The following ERCC1 variants were observed in gnomAD, a reference collection of about 807,000 sequenced individuals.
ERCC1 encodes the protein ERCC excision repair 1, endonuclease non-catalytic subunit.
ERCC1 carries 36 observed loss-of-function variants against 37.6 expected under a neutral mutation model. The observed-to-expected ratio is 0.96, with a 90% CI of 0.73 to 1.26. The LOEUF (loss-of-function observed/expected upper bound fraction) is 1.26, where lower values mean the gene tolerates loss of function less well. Ranked by LOEUF, ERCC1 falls within the 50% of genes most tolerant of loss-of-function variation. The pLI, the probability that ERCC1 is intolerant of heterozygous loss-of-function variation, is 0.00. For synonymous variants in ERCC1, 156 were observed against 162.1 expected (o/e 0.96, Z 0.28); for missense variants, 349 against 376.5 (o/e 0.93, Z 0.60).
intron 6 of ERCC1, among the ~76,000 whole-genome samples, chr19:45,416,080 A>G (rs1028115547): frequency 6.6e-6 from 1 of 152,118 alleles, no homozygotes; most frequent in African/African-American, 2.4e-5. Flanking sequence ...GGCTTCAGTA[A>G]CCTGTGATAG....
At chr19:45,416,749 G>T in intron 6 of ERCC1, 72 bp downstream of exon 6, 2 of 1,142,084 alleles carry the variant, frequency 1.8e-6, no homozygotes, top group East Asian at 2.4e-5. Context: ...GAAGGGCTGG[G>T]CAGGGTGGGA....
chr19:45,412,308 G>A (rs1211779915), intron 9 of ERCC1, among the ~76,000 whole-genome samples: 3 of 151,556 alleles, frequency 2.0e-5, no homozygotes, highest in Admixed American at 2.0e-4. Flanking sequence ...ACAAGCATGC[G>A]CCACCACACC....
chr19:45,445,672 C>T (rs1281060242), intron 1 of ERCC1, among the ~76,000 whole-genome samples: 1 of 152,008 alleles, frequency 6.6e-6, no homozygotes, highest in Non-Finnish European at 1.5e-5. Flanking sequence ...AAGGTGAAGA[C>T]ATGTCTGGTG....
intron 1 of ERCC1, among the ~76,000 whole-genome samples, chr19:45,440,414 C>G (rs145800538): frequency 2.9e-4 from 44 of 152,250 alleles, no homozygotes; most frequent in African/African-American, 1.0e-3. Context: ...GCGAGAGGAT[C>G]ACAGGGAGTC....
chr19:45,418,668 CAA>C (rs563262726), intron 5 of ERCC1, among the ~76,000 whole-genome samples: 43 of 151,928 alleles, frequency 2.8e-4, no homozygotes, highest in African/African-American at 1.0e-3. Context: ...ACTAAAAATA[CAA>C]AAATCAGCCG....
chr19:45,409,035 C>T lies in ERCC1; in HGVS notation c.*640G>A, dbSNP rs1219181363. On this transcript the variant is annotated 3_prime_UTR_variant, in exon 10 of 10. Coordinates refer to ENST00000300853, the MANE Select transcript of ERCC1 (RefSeq NM_001983.4). ...GAGCCAGTGGAGCCGGAGATGAAGC[C>T]TCTGGAGTCCCCAGGGGGGACCATG... The T allele has an allele frequency of 6.2e-7, 1 of 1,614,072 alleles. No individual in the cohort carries two copies. The highest frequency in any genetic ancestry group is 1.7e-5 in the Admixed American group (1 of 59,996).
At chr19:45,411,846 T>C (rs1973757486) in intron 9 of ERCC1, among the ~76,000 whole-genome samples, 1 of 139,916 alleles carries the variant, frequency 7.1e-6, no homozygotes, top group South Asian at 2.3e-4. Context: ...CTCATTATAG[T>C]TTATTTTTGG....
At chr19:45,423,516 C>T (rs779238551) in intron 1 of ERCC1, 135 bp from the exon 2 acceptor site, 3 of 1,471,716 alleles carry the variant, frequency 2.0e-6, no homozygotes, top group Non-Finnish European at 2.7e-6. Context: ...ACACCCAGCG[C>T]TAGAGGCTCT....
intron 2 of ERCC1, 87 bp from the exon 3 acceptor site, chr19:45,421,480 T>A (rs1974424847): frequency 2.0e-6 from 2 of 982,064 alleles, no homozygotes; most frequent in Non-Finnish European, 3.0e-6. Flanking sequence ...CCCTTTCTTT[T>A]TCTTTTTTTG....
rs750132739 is a variant in ERCC1 at position 45,419,124 on chromosome 19, G to A, written c.499C>T (p.Arg167Trp). The A allele has an allele frequency of 7.6e-6, 12 of 1,588,408 alleles. No homozygotes were observed. The highest frequency in any genetic ancestry group is 2.3e-5 in the South Asian group (2 of 87,314). Residue 167 changes from arginine to tryptophan, a missense_variant, in exon 5 of 10, where the codon CGG becomes TGG. Physicochemically the swap from Arg to Trp is moderately radical, Grantham distance 101. Transcript: ENST00000300853. Reference sequence around the variant, plus strand: ...ACATCCACCTGGACAAGCAGGACCCGCAAGGCGAAGTTCTTCCCCAGGCTC... The same window carrying A: ...ACATCCACCTGGACAAGCAGGACCCACAAGGCGAAGTTCTTCCCCAGGCTC... ...LQSLGKNFAL[R>W]VLLVQVDVKD...
intron 9 of ERCC1, chr19:45,410,098 A>C (rs1325656322): frequency 6.4e-6 from 1 of 156,520 alleles, no homozygotes; most frequent in Non-Finnish European, 1.4e-5. Flanking sequence ...CACGTTAGCC[A>C]GGATGGTCTC....
At chr19:45,413,614 G>A (rs1973868858) in intron 9 of ERCC1, 63 bp downstream of exon 9, 2 of 1,614,230 alleles carry the variant, frequency 1.2e-6, no homozygotes, top group East Asian at 2.2e-5. Flanking sequence ...GGGGTCTCAG[G>A]TTGTGTTTAT....
Position 45,421,235 on chromosome 19 carries a change from G to A in ERCC1, c.264C>T (p.Pro88=), listed in dbSNP as rs772829241. The part of the protein sequence containing the change: ...TGSEPLAGET[P]NQALKPGAKS... ...TTGCCCCGGGTTTCAGGGCCTGGTTGGGCGTCTCTCCTGCCAGGGGCTCTG... is the reference window on the plus strand; with the variant it reads ...TTGCCCCGGGTTTCAGGGCCTGGTTAGGCGTCTCTCCTGCCAGGGGCTCTG... The change falls in exon 3 of 10, where the codon CCC becomes CCT. Residue 88 remains proline (P), a synonymous_variant. Transcript: ENST00000300853. 1.2e-6 allele frequency: 2 copies of A among 1,614,210 alleles called. No individual in the cohort carries two copies. Among genetic ancestry groups the A allele is most frequent in the Non-Finnish European group, 1.7e-6 (2 of 1,180,030 alleles).
At chr19:45,440,169 A>C in intron 1 of ERCC1, among the ~76,000 whole-genome samples, 2 of 124,926 alleles carry the variant, frequency 1.6e-5, no homozygotes, top group East Asian at 2.3e-4. Flanking sequence ...CGTCCCCCAC[A>C]TTGTATCCTC....
At chr19:45,412,735 CTT>C (rs1158971292) in intron 9 of ERCC1, among the ~76,000 whole-genome samples, 6 of 139,838 alleles carry the variant, frequency 4.3e-5, no homozygotes, top group African/African-American at 2.6e-5. Flanking sequence ...GCCTTTTATT[CTT>C]TTTTTTTTTT....
At chr19:45,415,524 T>G (rs951297664) in intron 6 of ERCC1, among the ~76,000 whole-genome samples, 7 of 150,882 alleles carry the variant, frequency 4.6e-5, no homozygotes, top group Non-Finnish European at 7.4e-5. Context: ...TAGTCCCAGC[T>G]TTTCAGGAGG....
Position 45,451,043 on chromosome 19 carries a change from C to T in ERCC1, c.-7-27662G>A, listed in dbSNP as rs546192700. Among the ~76,000 whole-genome samples, 18 of 152,106 alleles carry T rather than the reference C, an allele frequency of 1.2e-4. 1 individual carries two copies. The South Asian group carries it at 3.5e-3, about 30-fold the overall frequency. ...GGCCCGGGCGGACAGACCGGCCCGC[C>T]GGGAGCCCGGGGCGGGGGGTGGAGG... On this transcript the variant is annotated intron_variant, in intron 1 of 8. Transcript: ENST00000423698.
chr19:45,427,408 A>C (rs28682344), upstream of ERCC1, among the ~76,000 whole-genome samples: 12,458 of 152,136 alleles, frequency 0.082, 973 homozygotes, highest in East Asian at 0.21. Context: ...CAGGAGTTCA[A>C]AACCAGCCTG....
In ERCC1 at chr19:45,408,823, C is replaced by T. The variant is rs777247662; in HGVS notation, c.*852G>A. 4 of 1,613,878 alleles carry T rather than the reference C, an allele frequency of 2.5e-6. No homozygotes were observed. In the South Asian group the frequency reaches 3.3e-5, roughly 13 times the overall value. On this transcript the variant is annotated 3_prime_UTR_variant, in exon 10 of 10. Coordinates refer to ENST00000300853, the MANE Select transcript of ERCC1 (RefSeq NM_001983.4). ...AGCCTCTAGAAGACACAGTCCTGTC[C>T]CCGACCAAAAAGAGAAAGAGGCAAA...
Sources: gnomAD v4.1 joint callset for allele counts (sites outside exome capture counted in the v4.1 genomes callset) on GRCh38, gnomAD v4.1.1 for gene constraint, MANE v1.5 for transcripts, NCBI Gene and HGNC (gene_info 2026-07-23, HGNC 2026-07-21) for gene names.